CFAP54: variants seen among roughly 807,000 people sequenced by gnomAD.
CFAP54 encodes cilia- and flagella-associated protein 54.
A neutral mutation model predicts 370.4 loss-of-function variants in CFAP54; 290 were observed. The observed-to-expected ratio is 0.78, with a 90% CI of 0.71 to 0.86. The LOEUF is 0.86. CFAP54 is among the 40% of genes least tolerant of loss of function. The pLI is 0.00. For synonymous variants in CFAP54, 1,206 were observed against 1,236.5 expected, an observed-to-expected ratio of 0.98 and a Z score of 0.52; for missense variants, 3,399 against 3,528.7, an observed-to-expected ratio of 0.96 and a Z score of 0.93.
chr12:96,825,967 CAT>C (rs1268041662), intron 65 of CFAP54, among the ~76,000 whole-genome samples: 3 of 137,334 alleles, frequency 2.2e-5, no homozygotes, highest in Admixed American at 7.6e-5. Flanking sequence ...TAATATATAA[CAT>C]AATATATTAA....
In CFAP54 at chr12:96,795,780, T is replaced by C. The variant is rs569788646; in HGVS notation, c.8850+3281T>C. 9.9e-5 allele frequency among the ~76,000 whole-genome samples: 15 copies of C among 152,258 alleles called. No individual in the cohort carries two copies. The South Asian group carries it at 3.1e-3, about 32-fold the overall frequency. The stretch of plus-strand genomic sequence containing the variant: ...TCTGTGCTTGTGTCTGCACTCCCCA[T>C]TTGCCCCCTCCTCCAGATTCTGTCC... On this transcript the variant is annotated intron_variant, in intron 63 of 67. Transcript: ENST00000524981.
Position 96,657,752 on chromosome 12 carries a change from A to C in CFAP54, c.5101-130A>C, listed in dbSNP as rs113697275. 1.4e-3 allele frequency: 975 copies of C among 703,332 alleles called. 4 individuals carry two copies. In the African/African-American group the frequency reaches 0.016, roughly 12 times the overall value. The allele number at this position is 703,332 out of a possible 1,614,324, so 43.6% of individuals were successfully genotyped here. On this transcript the variant is annotated intron_variant, in intron 36 of 67. Transcript: ENST00000524981. ...ATCAAATTATCAAGCTTTGACTTGC[A>C]TAAGAAAAATATTTTTTCTTTTCAG...
At chr12:96,594,679 T>A (rs1265297761) in intron 25 of CFAP54, among the ~76,000 whole-genome samples, 1 of 152,200 alleles carries the variant, frequency 6.6e-6, no homozygotes, top group African/African-American at 2.4e-5. Flanking sequence ...TTCCTGTCCA[T>A]ATTTAAATAT....
chr12:96,556,940 A>G (rs184175375), intron 17 of CFAP54, among the ~76,000 whole-genome samples: 9 of 152,266 alleles, frequency 5.9e-5, no homozygotes, highest in Admixed American at 3.3e-4. Flanking sequence ...GTCTGGAAAA[A>G]TAACTAATGG....
chr12:96,639,507 G>A (rs944003713), intron 32 of CFAP54, among the ~76,000 whole-genome samples: 4 of 152,162 alleles, frequency 2.6e-5, no homozygotes, highest in South Asian at 2.1e-4. Flanking sequence ...GGTACAAGGA[G>A]GAGCTGGTAC....
chr12:96,678,487 A>C (rs1565939596), intron 39 of CFAP54, among the ~76,000 whole-genome samples: 1 of 152,034 alleles, frequency 6.6e-6, no homozygotes, highest in Admixed American at 6.6e-5. Flanking sequence ...CCTAACCTCA[A>C]GTGATCCACC....
Position 96,740,024 on chromosome 12 carries a change from A to G in CFAP54, c.7034A>G (p.Gln2345Arg), listed in dbSNP as rs1435669057. The change falls in exon 51 of 68, where the codon CAG becomes CGG. Residue 2345 changes from glutamine (Q) to arginine (R), a missense_variant. Around this residue, in one of 3 missense-constraint regions of CFAP54, gnomAD observed 2,796 missense variants for 2,869.7 expected, o/e 0.97. Transcript: ENST00000524981. ...AAACTTTTTGAAAAGAAGGTAGTAC[A>G]GGATGACACAGAGAATCCTGTCTCT... ...DSKLFEKKVV[Q>R]DDTENPVSPG... The G allele has an allele frequency of 6.2e-7, 1 of 1,606,610 alleles. No individual in the cohort carries two copies. Among genetic ancestry groups the G allele is most frequent in the East Asian group, 2.2e-5 (1 of 44,754 alleles).
At chr12:96,569,981 A>G (rs969013348) in intron 19 of CFAP54, among the ~76,000 whole-genome samples, 1 of 151,624 alleles carries the variant, frequency 6.6e-6, no homozygotes, top group Non-Finnish European at 1.5e-5. Context: ...ATTTATTTTT[A>G]TTTTTATTTA....
intron 47 of CFAP54, among the ~76,000 whole-genome samples, chr12:96,705,658 A>C (rs536172983): frequency 2.2e-4 from 33 of 152,318 alleles, no homozygotes; most frequent in African/African-American, 7.9e-4. Flanking sequence ...TTTTTATTCA[A>C]AAAGAGACTA....
chr12:96,499,117 C>T (rs577532813), intron 1 of CFAP54, among the ~76,000 whole-genome samples: 23 of 152,142 alleles, frequency 1.5e-4, no homozygotes, highest in Non-Finnish European at 8.8e-5. Context: ...TACAGATGTG[C>T]GCCACCATGC....
At chr12:96,632,083 G>A (rs907113510) in intron 32 of CFAP54, among the ~76,000 whole-genome samples, 1 of 151,730 alleles carries the variant, frequency 6.6e-6, no homozygotes, top group Middle Eastern at 3.2e-3. Context: ...TCATTTCTTT[G>A]ATTCCTAAGG....
chr12:96,736,292 T>G (rs1957979497), intron 50 of CFAP54, among the ~76,000 whole-genome samples: 1 of 152,180 alleles, frequency 6.6e-6, no homozygotes, highest in Non-Finnish European at 1.5e-5. Context: ...GATACATGTC[T>G]GCCACTAGAT....
At chr12:96,567,030 G>A (rs962541767) in intron 19 of CFAP54, among the ~76,000 whole-genome samples, 2 of 152,128 alleles carry the variant, frequency 1.3e-5, no homozygotes, top group African/African-American at 2.4e-5. Context: ...CTCAATAGTG[G>A]GGAATGTTTA....
rs1955179460 is a variant in CFAP54, at chr12:96,512,304, TATATATATATATATATATA to T, written c.740-681_740-663del. ...AAGGAAACCATGGGAACCAATTTTA[TATATATATATATATATATA>T]TATATATATATATATATATATATAT... On this transcript the variant is annotated intron_variant, in intron 4 of 67. Coordinates refer to ENST00000524981, the MANE Select transcript of CFAP54 (RefSeq NM_001306084.2). Among the ~76,000 whole-genome samples the T allele has an allele frequency of 6.2e-3, 42 of 6,826 alleles. 2 individuals are homozygous for T. Among genetic ancestry groups the T allele is most frequent in the African/African-American group, 0.027 (33 of 1,226 alleles). 4.5% of individuals were successfully genotyped at this position (6,826 alleles called of 152,430 possible).
At chr12:96,499,415 GA>G (rs1407293915) in intron 1 of CFAP54, among the ~76,000 whole-genome samples, 1 of 152,038 alleles carries the variant, frequency 6.6e-6, no homozygotes, top group East Asian at 1.9e-4. Context: ...GCAACAATAA[GA>G]TACCCTACAT....
At chr12:96,585,223 C>T (rs1057475023) in intron 22 of CFAP54, among the ~76,000 whole-genome samples, 5 of 151,952 alleles carry the variant, frequency 3.3e-5, no homozygotes, top group Admixed American at 1.3e-4. Flanking sequence ...TGCAGTGGTG[C>T]GATCTCAGCT....
In CFAP54 at chr12:96,817,805, T is replaced by A; in HGVS notation, c.8988T>A (p.Asn2996Lys). The change falls in exon 65 of 68, where the codon AAT becomes AAA. Residue 2996 changes from asparagine to lysine, a missense_variant. Physicochemically the swap from Asn to Lys is moderately conservative, Grantham distance 94. Coordinates refer to ENST00000524981, the MANE Select transcript of CFAP54 (RefSeq NM_001306084.2). Reference protein sequence around the residue: ...RVIAIHEKLSNLAQIAELSLP... With the variant: ...RVIAIHEKLSKLAQIAELSLP... ...TTGCAATTCATGAGAAATTATCTAA[T>A]CTTGCTCAAATAGCTGAACTATCAT... is the stretch of plus-strand genomic sequence containing the variant. 6.7e-7 allele frequency: 1 copy of A among 1,501,356 alleles called. No homozygotes were observed. The highest frequency in any genetic ancestry group is 8.9e-7 in the Non-Finnish European group (1 of 1,127,750). 93.0% of individuals were successfully genotyped at this position (1,501,356 alleles called of 1,614,324 possible).
At chr12:96,761,674 A>G (rs999601992) in intron 58 of CFAP54, among the ~76,000 whole-genome samples, 2 of 152,102 alleles carry the variant, frequency 1.3e-5, no homozygotes, top group Admixed American at 6.6e-5. Flanking sequence ...GTGTGAGGTA[A>G]GATTCTAAAT....
chr12:96,519,246 G>C (rs1955276219), intron 6 of CFAP54, among the ~76,000 whole-genome samples, 175 bp downstream of exon 6: 1 of 151,990 alleles, frequency 6.6e-6, no homozygotes, highest in Non-Finnish European at 1.5e-5. Context: ...TTACAGGCAT[G>C]CGCCACCATG....
Sources: allele counts gnomAD v4.1 joint callset (sites outside exome capture counted in the v4.1 genomes callset), GRCh38; gene constraint gnomAD v4.1.1; regional missense constraint gnomAD v4.1.1; transcripts MANE v1.5; gene names NCBI Gene and HGNC (gene_info 2026-07-23, HGNC 2026-07-21).